The following GRID2 variants were observed in gnomAD, a reference collection of about 807,000 sequenced individuals.
GRID2 encodes glutamate ionotropic receptor delta type subunit 2.
GRID2 carries 33 observed loss-of-function variants against 114.8 expected under a neutral mutation model. That is an observed-to-expected ratio of 0.29 (90% confidence interval 0.22 to 0.38). The LOEUF (loss-of-function observed/expected upper bound fraction) is 0.38. Among genes scored for constraint, GRID2 ranks in the 10% least tolerant of loss-of-function variants. The pLI is 1.00. For missense variants in GRID2, 1,184 were observed against 1,257.7 expected, an observed-to-expected ratio of 0.94 and a Z score of 0.89; for synonymous variants, 505 against 449.9, an observed-to-expected ratio of 1.12 and a Z score of -1.55.
At chr4:93,257,995 TATATACAC>T (rs200525046) in intron 8 of GRID2, among the ~76,000 whole-genome samples, 7,176 of 41,596 alleles carry the variant, frequency 0.17, 434 homozygotes, top group East Asian at 0.34. Context: ...TATATATATA[TATATACAC>T]ACACACACAC....
At chr4:92,946,213 G>A (rs184113336) in intron 2 of GRID2, among the ~76,000 whole-genome samples, 3 of 152,084 alleles carry the variant, frequency 2.0e-5, no homozygotes, top group Admixed American at 1.3e-4. Context: ...CAAAATGGGA[G>A]GTCTGGCAAA....
intron 1 of GRID2, among the ~76,000 whole-genome samples, chr4:92,491,441 A>G (rs1286572522): frequency 6.6e-6 from 1 of 152,122 alleles, no homozygotes; most frequent in Non-Finnish European, 1.5e-5. Flanking sequence ...TCTTATTGTC[A>G]TCAGGTTAGC....
chr4:92,966,146 G>A (rs1753141841), intron 2 of GRID2, among the ~76,000 whole-genome samples: 1 of 151,914 alleles, frequency 6.6e-6, no homozygotes, highest in Non-Finnish European at 1.5e-5. Flanking sequence ...TACTATGGAA[G>A]TTAACAGAAA....
intron 1 of GRID2, among the ~76,000 whole-genome samples, chr4:92,576,355 C>T (rs116237434): frequency 1.1e-3 from 162 of 152,338 alleles, no homozygotes; most frequent in African/African-American, 3.8e-3. Flanking sequence ...ATATGGTGGC[C>T]TGGTCCCTCC....
chr4:92,942,272 AT>A (rs370543552), intron 2 of GRID2, among the ~76,000 whole-genome samples: 47,224 of 151,672 alleles, frequency 0.31, 8,016 homozygotes, highest in Admixed American at 0.48. Flanking sequence ...GTGCATATAT[AT>A]TTAGGATAGT....
At chr4:92,337,258 C>T (rs62311001) in intron 1 of GRID2, among the ~76,000 whole-genome samples, 9,959 of 151,982 alleles carry the variant, frequency 0.066, 371 homozygotes, top group Middle Eastern at 0.14. Flanking sequence ...AGATAGAAAA[C>T]GGTTTATTTA....
intron 2 of GRID2, among the ~76,000 whole-genome samples, chr4:92,819,816 A>C (rs766563257): frequency 3.3e-5 from 5 of 152,124 alleles, no homozygotes; most frequent in Non-Finnish European, 7.4e-5. Flanking sequence ...TTTGGTATTA[A>C]GCAGTTTTAA....
At chr4:93,696,294 C>T (rs1466265222) in intron 14 of GRID2, among the ~76,000 whole-genome samples, 1 of 152,174 alleles carries the variant, frequency 6.6e-6, no homozygotes, top group East Asian at 1.9e-4. Context: ...GCTTCCACAT[C>T]AGCTGTCAGC....
intron 3 of GRID2, among the ~76,000 whole-genome samples, chr4:93,087,181 C>T (rs972942033): frequency 5.3e-5 from 8 of 151,436 alleles, no homozygotes; most frequent in South Asian, 2.1e-4. Flanking sequence ...ACTACAGGCA[C>T]GTGCCAACAC....
intron 2 of GRID2, among the ~76,000 whole-genome samples, chr4:92,783,212 G>A (rs557919347): frequency 3.7e-4 from 57 of 152,126 alleles, no homozygotes; most frequent in Non-Finnish European, 6.2e-4. Context: ...GACACAATTT[G>A]GAATAGCTAT....
chr4:93,008,989 T>A (rs997999621), intron 2 of GRID2, among the ~76,000 whole-genome samples: 7 of 152,152 alleles, frequency 4.6e-5, no homozygotes, highest in African/African-American at 1.7e-4. Context: ...GAAATAAATT[T>A]CCCTCTTAGT....
intron 1 of GRID2, among the ~76,000 whole-genome samples, chr4:92,403,393 A>G (rs1053842218): frequency 6.6e-6 from 1 of 152,038 alleles, no homozygotes; most frequent in African/African-American, 2.4e-5. Context: ...CATTTGTAAC[A>G]TTTCATTGAA....
At chr4:93,256,033 G>A (rs1049433784) in intron 8 of GRID2, among the ~76,000 whole-genome samples, 2 of 152,018 alleles carry the variant, frequency 1.3e-5, no homozygotes, top group Admixed American at 6.6e-5. Context: ...ATTCTTTCAT[G>A]CTTTTCTCTT....
intron 1 of GRID2, among the ~76,000 whole-genome samples, chr4:92,555,016 T>G (rs1365515144): frequency 1.3e-5 from 2 of 152,192 alleles, no homozygotes; most frequent in Non-Finnish European, 2.9e-5. Flanking sequence ...TAAAATTAAC[T>G]GATTAAAATG....
At chr4:93,201,891 T>G (rs959659118) in intron 4 of GRID2, among the ~76,000 whole-genome samples, 1 of 152,212 alleles carries the variant, frequency 6.6e-6, no homozygotes, top group Non-Finnish European at 1.5e-5. Flanking sequence ...CTGTCCTTAC[T>G]CATTGCTTGT....
At chr4:92,470,338 G>GAC (rs1473888887) in intron 1 of GRID2, among the ~76,000 whole-genome samples, 1 of 148,760 alleles carries the variant, frequency 6.7e-6, no homozygotes, top group Non-Finnish European at 1.5e-5. Context: ...TTGGCAGAGA[G>GAC]ACACAAACAT....
intron 1 of GRID2, among the ~76,000 whole-genome samples, chr4:92,530,784 A>AT (rs1323848747): frequency 7.8e-4 from 118 of 150,598 alleles, no homozygotes; most frequent in African/African-American, 2.8e-3. Flanking sequence ...GCGTGTGCCT[A>AT]TAATCCCAAC....
chr4:92,427,535 G>A (rs887110760), intron 1 of GRID2, among the ~76,000 whole-genome samples: 3 of 152,070 alleles, frequency 2.0e-5, no homozygotes, highest in Admixed American at 6.6e-5. Context: ...ACAATGAATG[G>A]TCCCTAGACC....
intron 14 of GRID2, among the ~76,000 whole-genome samples, chr4:93,736,628 G>A (rs193076579): frequency 1.6e-3 from 248 of 151,798 alleles, no homozygotes; most frequent in South Asian, 2.7e-3. Flanking sequence ...ATAGTCTATT[G>A]GGGCTTCTAA....
Sources: gnomAD v4.1 joint callset for allele counts (sites outside exome capture counted in the v4.1 genomes callset) on GRCh38, gnomAD v4.1.1 for gene constraint, MANE v1.5 for transcripts, NCBI Gene and HGNC (gene_info 2026-07-23, HGNC 2026-07-21) for gene names.